Variants in MACROD2 observed in about 807,000 individuals in gnomAD.
MACROD2 encodes mono-ADP ribosylhydrolase 2.
Under a neutral mutation model 70.4 loss-of-function variants are expected in MACROD2, and 36 were observed. The ratio of observed to expected loss-of-function variants is 0.51; its 90% confidence interval spans 0.39 to 0.68. MACROD2 has a LOEUF of 0.68. MACROD2 is among the 30% of genes least tolerant of loss of function. MACROD2 has a pLI of 0.00. For synonymous variants in MACROD2, 172 were observed against 178.8 expected, an observed-to-expected ratio of 0.96 and a Z score of 0.30; for missense variants, 496 against 538.4, an observed-to-expected ratio of 0.92 and a Z score of 0.78.
rs550486394 is a variant in MACROD2 at position 16,004,424 on chromosome 20, A to G, written c.1153+17266A>G. Reference sequence around the variant, plus strand: ...TGAGCAGCATATATTGGAGTTGTGTATACAAAATCATGTATGCTACTAAAG... The same window carrying G: ...TGAGCAGCATATATTGGAGTTGTGTGTACAAAATCATGTATGCTACTAAAG... On this transcript the variant is annotated intron_variant, in intron 15 of 17. Coordinates refer to ENST00000684519, the MANE Select transcript of MACROD2 (RefSeq NM_001351661.2). 6.0e-4 allele frequency among the ~76,000 whole-genome samples: 91 copies of G among 152,198 alleles called. 2 individuals carry two copies. The highest frequency in any genetic ancestry group is 4.1e-4 in the South Asian group (2 of 4,826).
intron 5 of MACROD2, among the ~76,000 whole-genome samples, chr20:15,117,254 AGT>A (rs2075997916): frequency 6.6e-6 from 1 of 152,174 alleles, no homozygotes; most frequent in African/African-American, 2.4e-5. Context: ...TTGAAAGTTC[AGT>A]GGGTTTTGCT....
chr20:15,662,287 C>T (rs1380705963), intron 8 of MACROD2, among the ~76,000 whole-genome samples: 3 of 152,154 alleles, frequency 2.0e-5, no homozygotes, highest in Non-Finnish European at 2.9e-5. Context: ...TCCCCGGGCA[C>T]GGGGTCTGGA....
At chr20:15,687,809 C>T (rs1376673087) in intron 8 of MACROD2, among the ~76,000 whole-genome samples, 1 of 152,132 alleles carries the variant, frequency 6.6e-6, no homozygotes, top group African/African-American at 2.4e-5. Context: ...GTGTGGGGAG[C>T]AGGGTGGAAA....
intron 8 of MACROD2, among the ~76,000 whole-genome samples, chr20:15,744,459 C>G (rs904674176): frequency 2.6e-5 from 4 of 152,096 alleles, no homozygotes; most frequent in Admixed American, 1.3e-4. Context: ...GTAAAGCTGG[C>G]AGAGTTATAC....
At position 16,050,018 on chromosome 20, in the gene MACROD2, G is replaced by T. The variant is rs1234670524; in HGVS notation, c.*142G>T. 3.1e-6 allele frequency: 2 copies of T among 647,158 alleles called. No homozygotes were observed. The highest frequency in any genetic ancestry group is 4.9e-6 in the Non-Finnish European group (2 of 411,158). The allele number at this position is 647,158 out of a possible 1,614,324, so 40.1% of individuals were successfully genotyped here. On this transcript the variant is annotated 3_prime_UTR_variant, in exon 18 of 18. Transcript: ENST00000684519. ...ATCCTTTACTCTAATTTCTCCAGCT[G>T]CATTTTGTTCCGTTTATCTGCAGAA...
At chr20:14,977,812 G>A (rs552396739) in intron 5 of MACROD2, among the ~76,000 whole-genome samples, 2 of 152,216 alleles carry the variant, frequency 1.3e-5, no homozygotes, top group African/African-American at 2.4e-5. Flanking sequence ...GGGAGAAAAA[G>A]ACAAAACATG....
intron 6 of MACROD2, among the ~76,000 whole-genome samples, chr20:15,234,039 T>TTTTG (rs1568657658): frequency 3.6e-4 from 17 of 46,886 alleles, no homozygotes; most frequent in African/African-American, 1.4e-3. Context: ...TTTTTTTTTT[T>TTTTG]TTTTTTTTTT....
intron 5 of MACROD2, among the ~76,000 whole-genome samples, chr20:14,747,202 C>A (rs1414578926): frequency 6.6e-6 from 1 of 152,138 alleles, no homozygotes; most frequent in Non-Finnish European, 1.5e-5. Flanking sequence ...TGAGAACTTT[C>A]CTGTCTTCAT....
chr20:15,033,050 G>C (rs550324720), intron 5 of MACROD2, among the ~76,000 whole-genome samples: 1 of 152,234 alleles, frequency 6.6e-6, no homozygotes, highest in African/African-American at 2.4e-5. Context: ...AGTAGATTAC[G>C]GGTTTCCAGG....
intron 5 of MACROD2, among the ~76,000 whole-genome samples, chr20:15,079,496 C>A (rs2075686148): frequency 6.6e-6 from 1 of 152,164 alleles, no homozygotes; most frequent in Non-Finnish European, 1.5e-5. Flanking sequence ...TACTTCTTAT[C>A]TTTGCAGCTC....
intron 8 of MACROD2, among the ~76,000 whole-genome samples, chr20:15,806,435 G>T (rs1186257553): frequency 6.6e-6 from 1 of 152,168 alleles, no homozygotes; most frequent in Non-Finnish European, 1.5e-5. Flanking sequence ...GTGTCTGAAA[G>T]CTAATAGAAT....
At chr20:14,700,517 A>ATGG (rs1389954575) in intron 5 of MACROD2, among the ~76,000 whole-genome samples, 1 of 133,234 alleles carries the variant, frequency 7.5e-6, no homozygotes, top group African/African-American at 2.9e-5. Flanking sequence ...GTTAAGACAT[A>ATGG]TGGTGGTGTG....
chr20:15,892,285 A>G (rs2064901227), intron 10 of MACROD2, among the ~76,000 whole-genome samples: 1 of 152,148 alleles, frequency 6.6e-6, no homozygotes, highest in Non-Finnish European at 1.5e-5. Context: ...ACATAAATTA[A>G]CACCTAATGA....
intron 4 of MACROD2, among the ~76,000 whole-genome samples, chr20:14,600,434 A>AT (rs1361753355): frequency 1.3e-5 from 2 of 151,682 alleles, no homozygotes; most frequent in African/African-American, 4.9e-5. Flanking sequence ...AAAGAAAAAA[A>AT]ATACAGTTAA....
chr20:14,401,160 T>C (rs2083634298), intron 3 of MACROD2, among the ~76,000 whole-genome samples: 1 of 152,216 alleles, frequency 6.6e-6, no homozygotes, highest in South Asian at 2.1e-4. Flanking sequence ...GTAGTCTAGT[T>C]ATATTATTTA....
At chr20:14,247,509 C>T (rs1229265950) in intron 3 of MACROD2, among the ~76,000 whole-genome samples, 1 of 152,122 alleles carries the variant, frequency 6.6e-6, no homozygotes, top group Non-Finnish European at 1.5e-5. Flanking sequence ...TTTAGCATAG[C>T]CACATGTTAT....
intron 8 of MACROD2, among the ~76,000 whole-genome samples, chr20:15,553,522 C>T (rs1424710243): frequency 1.3e-5 from 2 of 152,104 alleles, no homozygotes; most frequent in African/African-American, 4.8e-5. Context: ...GGGGCTTGAG[C>T]GATCTCCTAC....
chr20:15,496,297 G>A (rs1438528405), intron 7 of MACROD2, among the ~76,000 whole-genome samples: 2 of 152,230 alleles, frequency 1.3e-5, no homozygotes, highest in African/African-American at 4.8e-5. Flanking sequence ...TCCAGGGCAC[G>A]ATCCATGGAG....
In MACROD2 at chr20:14,907,518, C is replaced by A. The variant is rs558453610; in HGVS notation, c.418+222559C>A. 4.6e-5 allele frequency among the ~76,000 whole-genome samples: 7 copies of A among 152,272 alleles called. No individual in the cohort carries two copies. In the South Asian group the frequency reaches 1.5e-3, roughly 32 times the overall value. On this transcript the variant is annotated intron_variant, in intron 5 of 17. Transcript: ENST00000684519. ...GTCCAGGAGGGAGTGATCAGTCTGTCTGTGATGTCCCGGGGGGAATCAATG... is the reference window on the plus strand; with the variant it reads ...GTCCAGGAGGGAGTGATCAGTCTGTATGTGATGTCCCGGGGGGAATCAATG...
Sources: gnomAD v4.1 joint callset for allele counts (sites outside exome capture counted in the v4.1 genomes callset) on GRCh38, gnomAD v4.1.1 for gene constraint, MANE v1.5 for transcripts, NCBI Gene and HGNC (gene_info 2026-07-23, HGNC 2026-07-21) for gene names.